Variants in ST6GALNAC5 observed in about 807,000 individuals in gnomAD.
The protein encoded by ST6GALNAC5 is alpha-N-acetylgalactosaminide alpha-2,6-sialyltransferase 5.
ST6GALNAC5 carries 27 observed loss-of-function variants against 33.6 expected under a neutral mutation model. The observed-to-expected ratio is 0.80, with a 90% CI of 0.59 to 1.11. ST6GALNAC5 has a LOEUF of 1.11. Ranked by LOEUF, ST6GALNAC5 falls within the 50% of genes least tolerant of loss-of-function variation. The pLI is 0.00. For missense variants in ST6GALNAC5, 428 were observed against 454.0 expected (o/e 0.94, Z 0.52); for synonymous variants, 194 against 171.2 (o/e 1.13, Z -1.04).
At chr1:77,029,002 G>C (rs141332497) in intron 2 of ST6GALNAC5, among the ~76,000 whole-genome samples, 1 of 152,122 alleles carries the variant, frequency 6.6e-6, no homozygotes, top group Non-Finnish European at 1.5e-5. Flanking sequence ...GGTTACATTT[G>C]GATACGTGGG....
chr1:76,999,858 T>A (rs962962875), intron 2 of ST6GALNAC5, among the ~76,000 whole-genome samples: 2 of 134,040 alleles, frequency 1.5e-5, no homozygotes, highest in African/African-American at 4.9e-5. Context: ...CCATGCTATA[T>A]ATGTGCCACA....
At chr1:76,907,699 T>G (rs1646877390) in intron 2 of ST6GALNAC5, among the ~76,000 whole-genome samples, 1 of 152,134 alleles carries the variant, frequency 6.6e-6, no homozygotes, top group South Asian at 2.1e-4. Flanking sequence ...ATGCCATGTG[T>G]TTCATTGACA....
Position 76,904,377 on chromosome 1 carries a change from T to G in ST6GALNAC5, c.261+35635T>G, listed in dbSNP as rs117018575. 4.7e-4 allele frequency among the ~76,000 whole-genome samples: 72 copies of G among 152,240 alleles called. No individual in the cohort carries two copies. The East Asian group carries it at 0.012, about 25-fold the overall frequency. ...TTATTAAAAGACATGTACAGGAACG[T>G]TCATAGCAACACAGTTTATTAGCCC... is the stretch of plus-strand genomic sequence containing the variant. On this transcript the variant is annotated intron_variant, in intron 2 of 4. Coordinates refer to ENST00000477717, the MANE Select transcript of ST6GALNAC5 (RefSeq NM_030965.3).
chr1:76,868,250 C>T lies in ST6GALNAC5; in HGVS notation c.16-247C>T, dbSNP rs1190649724. ...CTCCCTCCCTCAGCCCGGGGCCGTA[C>T]ACCACCTGCCCTCTACCGAGAGATC... On this transcript the variant is annotated intron_variant, in intron 1 of 4. Coordinates refer to ENST00000477717, the MANE Select transcript of ST6GALNAC5 (RefSeq NM_030965.3). This position sits in a 1 kb window ranked among gnomAD's most constrained non-coding sequence, Gnocchi z 4.3. Among the ~76,000 whole-genome samples the T allele has an allele frequency of 3.9e-5, 6 of 152,100 alleles. No individual in the cohort carries two copies. Among genetic ancestry groups the T allele is most frequent in the Non-Finnish European group, 8.8e-5 (6 of 68,002 alleles).
chr1:76,932,801 T>C (rs1027925812), intron 2 of ST6GALNAC5, among the ~76,000 whole-genome samples: 6 of 152,114 alleles, frequency 3.9e-5, no homozygotes, highest in African/African-American at 1.2e-4. Flanking sequence ...TTTACCTTAG[T>C]ATAGTTAGAG....
chr1:77,056,348 T>C (rs1215548914), intron 4 of ST6GALNAC5, among the ~76,000 whole-genome samples: 1 of 152,214 alleles, frequency 6.6e-6, no homozygotes, highest in Non-Finnish European at 1.5e-5. Context: ...TTTGTGATAA[T>C]AATGGGCCAA....
At chr1:76,938,978 A>G (rs1300047298) in intron 2 of ST6GALNAC5, among the ~76,000 whole-genome samples, 2 of 152,148 alleles carry the variant, frequency 1.3e-5, no homozygotes, top group East Asian at 3.9e-4. Context: ...TAAACAGTCA[A>G]ACCTCTTGGA....
At chr1:76,903,070 C>A (rs2100268125) in intron 2 of ST6GALNAC5, among the ~76,000 whole-genome samples, 1 of 152,166 alleles carries the variant, frequency 6.6e-6, no homozygotes, top group Admixed American at 6.5e-5. Flanking sequence ...ATTTTCTGTG[C>A]TTCAAAGGAT....
chr1:76,923,731 A>AAAG (rs1557724618), intron 2 of ST6GALNAC5, among the ~76,000 whole-genome samples: 7 of 151,844 alleles, frequency 4.6e-5, no homozygotes, highest in African/African-American at 1.7e-4. Context: ...ACAAACAAAA[A>AAAG]AAACAGTTCC....
intron 2 of ST6GALNAC5, among the ~76,000 whole-genome samples, chr1:76,905,662 G>C (rs552752905): frequency 3.3e-5 from 5 of 152,136 alleles, no homozygotes; most frequent in African/African-American, 4.8e-5. Context: ...TGTTGATAAT[G>C]ACTAAAAATA....
At position 77,064,847 on chromosome 1, in the gene ST6GALNAC5, G is replaced by A. The variant is rs547327912; in HGVS notation, c.*1641G>A. 7.9e-5 allele frequency: 12 copies of A among 152,060 alleles called. No homozygotes were observed. The highest frequency in any genetic ancestry group is 2.1e-4 in the South Asian group (1 of 4,832). 9.4% of individuals were successfully genotyped at this position (152,060 alleles called of 1,614,324 possible). A position where few individuals can be genotyped will look rare whatever the true frequency, so the allele number is the denominator to read the frequency against. On this transcript the variant is annotated 3_prime_UTR_variant, in exon 5 of 5. Coordinates refer to ENST00000477717, the MANE Select transcript of ST6GALNAC5 (RefSeq NM_030965.3). ...GGCTTATGATAAAAGAAGTTTTATC[G>A]CATTACCACTTCTTTTCCCTTTTCT...
At chr1:76,867,714 C>T (rs749382641) in intron 1 of ST6GALNAC5, 24 bp downstream of exon 1, 50 of 1,613,916 alleles carry the variant, frequency 3.1e-5, no homozygotes, top group Non-Finnish European at 4.0e-5. Context: ...GGCAACTCCA[C>T]CGGGCAAAGA....
intron 2 of ST6GALNAC5, among the ~76,000 whole-genome samples, chr1:76,897,714 G>A (rs1301852357): frequency 6.6e-6 from 1 of 152,180 alleles, no homozygotes; most frequent in African/African-American, 2.4e-5. Context: ...AGTCAGGGAA[G>A]CAGATAATTT....
At chr1:76,903,067 G>A (rs1646833523) in intron 2 of ST6GALNAC5, among the ~76,000 whole-genome samples, 1 of 152,078 alleles carries the variant, frequency 6.6e-6, no homozygotes, top group African/African-American at 2.4e-5. Context: ...AAAATTTTCT[G>A]TGCTTCAAAG....
At position 76,887,038 on chromosome 1, in the gene ST6GALNAC5, G is replaced by T. The variant is rs191237154; in HGVS notation, c.261+18296G>T. On this transcript the variant is annotated intron_variant, in intron 2 of 4. Coordinates refer to ENST00000477717, the MANE Select transcript of ST6GALNAC5 (RefSeq NM_030965.3). The stretch of plus-strand genomic sequence containing the variant: ...CTGGTGTTCCCATTCATTTTGTAAA[G>T]TAACCCCCTCTTTTTTCTTCCTTCT... Among the ~76,000 whole-genome samples the T allele has an allele frequency of 4.5e-3, 680 of 152,150 alleles. 7 individuals are homozygous for T. Among genetic ancestry groups the T allele is most frequent in the Non-Finnish European group, 7.6e-3 (518 of 67,998 alleles).
At chr1:76,869,564 T>C (rs1653449047) in intron 2 of ST6GALNAC5, among the ~76,000 whole-genome samples, 1 of 152,248 alleles carries the variant, frequency 6.6e-6, no homozygotes, top group Admixed American at 6.5e-5. Flanking sequence ...AATTCCACTC[T>C]CTATCTGCTT....
rs773096673 is a variant in ST6GALNAC5 at position 77,063,183 on chromosome 1, C to G, written c.988C>G (p.Pro330Ala). 6.2e-7 allele frequency: 1 copy of G among 1,613,602 alleles called. No homozygotes were observed. Among genetic ancestry groups the G allele is most frequent in the Middle Eastern group, 1.7e-4 (1 of 6,056 alleles). The change falls in exon 5 of 5, where the codon CCT (proline) becomes GCT (alanine). Residue 330 changes from proline (P) to alanine (A), a missense_variant. Physicochemically the swap from Pro to Ala is conservative, Grantham distance 27 (BLOSUM62 -1). Coordinates refer to ENST00000477717, the MANE Select transcript of ST6GALNAC5 (RefSeq NM_030965.3). ...ACCAGAATCACTTGCTATAAATCAT[C>G]CTGAGAATAAACCTGTGTTCTAAGG... ...WKPESLAINH[P>A]ENKPVF
At chr1:76,938,575 A>G (rs1484751178) in intron 2 of ST6GALNAC5, among the ~76,000 whole-genome samples, 1 of 152,036 alleles carries the variant, frequency 6.6e-6, no homozygotes, top group East Asian at 1.9e-4. Context: ...TTCTGACTGG[A>G]AGTGTGATTT....
chr1:76,967,926 G>T (rs913568626), intron 2 of ST6GALNAC5, among the ~76,000 whole-genome samples: 1 of 152,122 alleles, frequency 6.6e-6, no homozygotes, highest in East Asian at 1.9e-4. Flanking sequence ...TTCTAATTTG[G>T]TTGCAGTGTG....
Sources: allele counts gnomAD v4.1 joint callset (sites outside exome capture counted in the v4.1 genomes callset), GRCh38; gene constraint gnomAD v4.1.1; non-coding constraint Gnocchi (gnomAD v3.1); transcripts MANE v1.5; gene names NCBI Gene and HGNC (gene_info 2026-07-23, HGNC 2026-07-21).